Variants in USP33 observed in about 807,000 individuals in gnomAD.
USP33 encodes the protein ubiquitin carboxyl-terminal hydrolase 33.
Under a neutral mutation model 124.2 loss-of-function variants are expected in USP33, and 46 were observed. The ratio of observed to expected loss-of-function variants is 0.37; its 90% confidence interval spans 0.29 to 0.47. USP33 has a LOEUF of 0.47. USP33 is among the 20% of genes least tolerant of loss of function. The pLI, the probability that USP33 is intolerant of heterozygous loss-of-function variation, is 0.99. For synonymous variants in USP33, 350 were observed against 352.3 expected (o/e 0.99, Z 0.07); for missense variants, 851 against 1,070.6 (o/e 0.79, Z 2.86).
intron 10 of USP33, among the ~76,000 whole-genome samples, chr1:77,726,404 G>A (rs559473355): frequency 6.6e-6 from 1 of 151,582 alleles, no homozygotes; most frequent in South Asian, 2.1e-4. Context: ...CCCAACACTG[G>A]GAGGCCAAGG....
chr1:77,739,473 A>C, intron 4 of USP33, 56 bp from the exon 5 acceptor site: 1 of 1,480,462 alleles, frequency 6.8e-7, no homozygotes, highest in African/African-American at 1.4e-5. Flanking sequence ...ATACTTGAAA[A>C]GACTTCTTCA....
intron 21 of USP33, among the ~76,000 whole-genome samples, chr1:77,708,025 A>C (rs1040084971): frequency 6.6e-6 from 1 of 152,204 alleles, no homozygotes; most frequent in East Asian, 1.9e-4. Flanking sequence ...AATATGGGGA[A>C]AGGGCAAATG....
At chr1:77,698,055 A>T (rs1673591605) in intron 22 of USP33, 124 bp from the exon 23 acceptor site, 2 of 656,264 alleles carry the variant, frequency 3.0e-6, no homozygotes, top group Non-Finnish European at 5.0e-6. Context: ...CAGGCAAATT[A>T]TTATAGTTAA....
Position 77,734,424 on chromosome 1 carries a change from G to A in USP33, c.455-8C>T. The A allele has an allele frequency of 6.5e-7, 1 of 1,543,508 alleles. No individual in the cohort carries two copies. Among genetic ancestry groups the A allele is most frequent in the Admixed American group, 1.9e-5 (1 of 51,434 alleles). ...TTTTCAAACCTGTAAGACCTATTAA[G>A]AAAAAATATACATGAAGTCATCATT... is the stretch of plus-strand genomic sequence containing the variant. On this transcript the variant is annotated splice_polypyrimidine_tract_variant and splice_region_variant and intron_variant, in intron 6 of 23. Coordinates refer to ENST00000370794, the MANE Select transcript of USP33 (RefSeq NM_201624.3).
intron 1 of USP33, among the ~76,000 whole-genome samples, chr1:77,751,931 G>A (rs1011276383): frequency 7.9e-5 from 12 of 151,816 alleles, no homozygotes; most frequent in African/African-American, 2.4e-4. Context: ...CTCGTGATCC[G>A]CCCACCTCGG....
At chr1:77,739,164 A>C in intron 5 of USP33, 101 bp downstream of exon 5, 1 of 1,358,710 alleles carries the variant, frequency 7.4e-7, no homozygotes, top group African/African-American at 1.5e-5. Context: ...TTCAAAGTAC[A>C]GGTTAGGCAG....
At chr1:77,745,274 G>A (rs1679626164) in intron 1 of USP33, 1 of 152,082 alleles carries the variant, frequency 6.6e-6, no homozygotes, top group South Asian at 2.1e-4. Flanking sequence ...CATTTGCTTG[G>A]TAGATCTTCC....
At chr1:77,758,325 C>A (rs1680998463) in intron 1 of USP33, among the ~76,000 whole-genome samples, 2 of 151,950 alleles carry the variant, frequency 1.3e-5, no homozygotes, top group South Asian at 4.2e-4. Context: ...GGACTACAGG[C>A]ACCTGCCACC....
intron 17 of USP33, among the ~76,000 whole-genome samples, chr1:77,716,868 C>CTT (rs202208218): frequency 2.1e-5 from 3 of 142,620 alleles, no homozygotes; most frequent in South Asian, 2.2e-4. Flanking sequence ...TCTTTTTTTT[C>CTT]TTTTTTTTTT....
chr1:77,722,314 CAAAAAA>C (rs112955313), intron 12 of USP33, 118 bp from the exon 13 acceptor site: 1 of 724,776 alleles, frequency 1.4e-6, no homozygotes, highest in African/African-American at 2.0e-5. Flanking sequence ...AAACAAAAAA[CAAAAAA>C]AAACACGCAA....
chr1:77,746,946 T>C (rs1679802488), intron 1 of USP33, among the ~76,000 whole-genome samples: 1 of 152,344 alleles, frequency 6.6e-6, no homozygotes, highest in African/African-American at 2.4e-5. Flanking sequence ...TGACAACCAG[T>C]AAGTTTGAAT....
chr1:77,741,262 G>T, intron 3 of USP33, 114 bp downstream of exon 3: 2 of 1,022,508 alleles, frequency 2.0e-6, no homozygotes, highest in Non-Finnish European at 1.4e-6. Context: ...CCTTTTAAAA[G>T]CAAGTTTAAT....
At chr1:77,715,461 TC>T (rs1675771985) in intron 18 of USP33, among the ~76,000 whole-genome samples, 1 of 152,234 alleles carries the variant, frequency 6.6e-6, no homozygotes, top group African/African-American at 2.4e-5. Flanking sequence ...CGCCTTGGCC[TC>T]CCAAAGTGCT....
chr1:77,735,554 T>G (rs1186099723), intron 6 of USP33, among the ~76,000 whole-genome samples: 1 of 152,180 alleles, frequency 6.6e-6, no homozygotes, highest in African/African-American at 2.4e-5. Context: ...TAAATATACA[T>G]TCAATGTACC....
intron 22 of USP33, 126 bp from the exon 23 acceptor site, chr1:77,698,057 T>A: frequency 1.4e-6 from 1 of 696,890 alleles, no homozygotes; most frequent in Non-Finnish European, 2.3e-6. Context: ...GGCAAATTAT[T>A]ATAGTTAATT....
intron 1 of USP33, among the ~76,000 whole-genome samples, chr1:77,745,845 C>T (rs1439893232): frequency 6.6e-6 from 1 of 152,250 alleles, no homozygotes; most frequent in East Asian, 1.9e-4. Context: ...AGAACAAAGA[C>T]ACAACATACC....
chr1:77,701,521 G>T, intron 21 of USP33, 50 bp from the exon 22 acceptor site: 2 of 1,432,534 alleles, frequency 1.4e-6, no homozygotes, highest in South Asian at 2.3e-5. Flanking sequence ...CTTGCTTTAT[G>T]GCAAAACAAT....
chr1:77,759,710 C>G lies in USP33; in HGVS notation c.-119G>C, dbSNP rs1681149524. 2.5e-6 allele frequency: 1 copy of G among 398,574 alleles called. No individual in the cohort carries two copies. The allele number at this position is 398,574 out of a possible 1,614,324, so 24.7% of individuals were successfully genotyped here. On this transcript the variant is annotated 5_prime_UTR_variant, in exon 1 of 24. Transcript: ENST00000370794. ...CGGCCTGCAGCCGCACCTCCGCAAG[C>G]TCCTCTTTTCCTTCTCAGCTCTCGG...
chr1:77,697,258 G>T lies in USP33; in HGVS notation c.*59C>A. 3 of 1,408,388 alleles carry T rather than the reference G, an allele frequency of 2.1e-6. No individual in the cohort carries two copies. Among genetic ancestry groups the T allele is most frequent in the Non-Finnish European group, 2.8e-6 (3 of 1,054,350 alleles). The allele number at this position is 1,408,388 out of a possible 1,614,324, so 87.2% of individuals were successfully genotyped here. A position where few individuals can be genotyped will look rare whatever the true frequency, so the allele number is the denominator to read the frequency against. ...CACGCTTTTAGGAATGTTTTCGCATGTGTACATGTCAGGGCACATGAAAAT... is the reference window on the plus strand; with the variant it reads ...CACGCTTTTAGGAATGTTTTCGCATTTGTACATGTCAGGGCACATGAAAAT... On this transcript the variant is annotated 3_prime_UTR_variant, in exon 24 of 24. Transcript: ENST00000370794.
Sources: gnomAD v4.1 joint callset for allele counts (sites outside exome capture counted in the v4.1 genomes callset) on GRCh38, gnomAD v4.1.1 for gene constraint, MANE v1.5 for transcripts, NCBI Gene and HGNC (gene_info 2026-07-23, HGNC 2026-07-21) for gene names.